FAM135B: variants seen among roughly 807,000 people sequenced by gnomAD.
The protein encoded by FAM135B is protein FAM135B.
In FAM135B, 43 loss-of-function variants were observed where a neutral mutation model predicts 127.7. The observed-to-expected ratio is 0.34, with a 90% CI of 0.26 to 0.43. The LOEUF (loss-of-function observed/expected upper bound fraction) is 0.43. Ranked by LOEUF, FAM135B falls within the 20% of genes least tolerant of loss-of-function variation. The pLI is 1.00. For synonymous variants in FAM135B, 670 were observed against 665.1 expected (o/e 1.01, Z -0.11); for missense variants, 1,558 against 1,725.6 (o/e 0.90, Z 1.72).
intron 2 of FAM135B, among the ~76,000 whole-genome samples, chr8:138,353,929 T>C (rs1829930371): frequency 6.6e-6 from 1 of 152,090 alleles, no homozygotes; most frequent in Non-Finnish European, 1.5e-5. Context: ...TCAACTCCTC[T>C]TGCTGCTTGA....
At chr8:138,221,246 AAGG>A (rs1260555069) in intron 7 of FAM135B, among the ~76,000 whole-genome samples, 2 of 152,136 alleles carry the variant, frequency 1.3e-5, no homozygotes, top group South Asian at 2.1e-4. Context: ...ATCATGGAAG[AAGG>A]AGAAGGAGAA....
intron 7 of FAM135B, among the ~76,000 whole-genome samples, chr8:138,223,033 T>C (rs938848335): frequency 3.3e-5 from 5 of 152,184 alleles, no homozygotes; most frequent in African/African-American, 1.2e-4. Context: ...ATTCCAAGAT[T>C]AGGTACACAG....
intron 1 of FAM135B, among the ~76,000 whole-genome samples, chr8:138,468,906 A>G (rs1223335100): frequency 1.3e-5 from 2 of 152,090 alleles, no homozygotes; most frequent in African/African-American, 4.8e-5. Context: ...TTAGCCAGGC[A>G]TGGTGGCGCA....
intron 1 of FAM135B, among the ~76,000 whole-genome samples, chr8:138,479,881 A>C (rs1476782316): frequency 6.6e-6 from 1 of 152,180 alleles, no homozygotes; most frequent in Non-Finnish European, 1.5e-5. Context: ...ACAAAAACCA[A>C]ATGATATCCC....
At chr8:138,262,377 G>A (rs62529128) in intron 4 of FAM135B, among the ~76,000 whole-genome samples, 3,730 of 151,932 alleles carry the variant, frequency 0.025, 56 homozygotes, top group Non-Finnish European at 0.038. Context: ...AAAGGCCCAC[G>A]GGAAAAAATG....
In FAM135B at chr8:138,132,453, C is replaced by A; in HGVS notation, c.*140G>T. ...GAATCTCCAAAACAAAAGCACCTCT[C>A]ATGTCAGGTTCCACCCGAGCCTCCG... On this transcript the variant is annotated 3_prime_UTR_variant, in exon 20 of 20. Transcript: ENST00000395297. This position sits in a 1 kb window ranked among gnomAD's most constrained non-coding sequence, Gnocchi z 4.5. The A allele has an allele frequency of 1.4e-6, 1 of 692,592 alleles. No individual in the cohort carries two copies. Among genetic ancestry groups the A allele is most frequent in the Non-Finnish European group, 2.5e-6 (1 of 398,596 alleles). The allele number at this position is 692,592 out of a possible 1,614,324, so 42.9% of individuals were successfully genotyped here.
intron 19 of FAM135B, among the ~76,000 whole-genome samples, chr8:138,134,074 G>T (rs184602064): frequency 5.5e-4 from 83 of 152,280 alleles, no homozygotes; most frequent in Non-Finnish European, 9.0e-4. Context: ...GCAATAATAT[G>T]ATGTGAGGTT....
At chr8:138,442,651 G>A (rs964069921) in intron 1 of FAM135B, among the ~76,000 whole-genome samples, 1 of 152,004 alleles carries the variant, frequency 6.6e-6, no homozygotes, top group Non-Finnish European at 1.5e-5. Context: ...ATTCTGGAGA[G>A]TAGCCAGGAT....
At chr8:138,399,587 G>A (rs1833036484) in intron 1 of FAM135B, among the ~76,000 whole-genome samples, 1 of 152,078 alleles carries the variant, frequency 6.6e-6, no homozygotes, top group South Asian at 2.1e-4. Flanking sequence ...TATAGATGGG[G>A]GTTCTCTGCA....
chr8:138,133,135 C>A (rs1240938370), intron 19 of FAM135B, among the ~76,000 whole-genome samples: 1 of 152,090 alleles, frequency 6.6e-6, no homozygotes, highest in African/African-American at 2.4e-5. Flanking sequence ...AGAGGACCCT[C>A]AGAGTTTCAA....
chr8:138,321,052 C>T (rs1375184569), intron 2 of FAM135B, among the ~76,000 whole-genome samples: 1 of 152,148 alleles, frequency 6.6e-6, no homozygotes, highest in Non-Finnish European at 1.5e-5. Context: ...CACAGACACT[C>T]TGGAGTCTGA....
intron 12 of FAM135B, among the ~76,000 whole-genome samples, chr8:138,160,016 G>A (rs2130846796): frequency 6.6e-6 from 1 of 152,248 alleles, no homozygotes; most frequent in South Asian, 2.1e-4. Context: ...CCTGATTTCT[G>A]GGAAAGAGTG....
At chr8:138,301,420 C>A (rs924885352) in intron 3 of FAM135B, among the ~76,000 whole-genome samples, 1 of 152,188 alleles carries the variant, frequency 6.6e-6, no homozygotes, top group Non-Finnish European at 1.5e-5. Flanking sequence ...CTCTAAACAG[C>A]ATGGTGTTCC....
At chr8:138,147,900 G>A (rs895162896) in intron 14 of FAM135B, among the ~76,000 whole-genome samples, 5 of 152,208 alleles carry the variant, frequency 3.3e-5, no homozygotes, top group East Asian at 1.9e-4. Context: ...GCATGACATC[G>A]AGCTGATGAG....
chr8:138,206,185 G>GCATCCCCTTCACTACCCACAGCTCTCT (rs1212942083), intron 7 of FAM135B, among the ~76,000 whole-genome samples: 2 of 137,664 alleles, frequency 1.5e-5, no homozygotes, highest in Admixed American at 1.5e-4. Flanking sequence ...CAAGGCTCCA[G>GCATCCCCTTCACTACCCACAGCTCTCT]CATCCCCTTC....
intron 4 of FAM135B, among the ~76,000 whole-genome samples, chr8:138,259,191 T>A (rs973661088): frequency 6.6e-6 from 1 of 152,148 alleles, no homozygotes; most frequent in African/African-American, 2.4e-5. Flanking sequence ...CATGGTCACA[T>A]GTGTGTTCTA....
intron 2 of FAM135B, among the ~76,000 whole-genome samples, chr8:138,326,853 C>G (rs1023095616): frequency 2.6e-5 from 4 of 152,048 alleles, no homozygotes; most frequent in African/African-American, 9.7e-5. Context: ...ACACCTGGTA[C>G]AGTGTAGGAG....
intron 12 of FAM135B, among the ~76,000 whole-genome samples, chr8:138,154,012 G>A (rs1818445884): frequency 1.3e-5 from 2 of 152,206 alleles, no homozygotes; most frequent in Non-Finnish European, 1.5e-5. Flanking sequence ...TGACCCCCGA[G>A]TAGCCTAACT....
At chr8:138,389,824 T>C (rs1035294367) in intron 1 of FAM135B, among the ~76,000 whole-genome samples, 10 of 152,306 alleles carry the variant, frequency 6.6e-5, no homozygotes, top group Admixed American at 3.9e-4. Flanking sequence ...GTTATGTGTG[T>C]TTTACCACCA....
Sources: gnomAD v4.1 joint callset for allele counts (sites outside exome capture counted in the v4.1 genomes callset) on GRCh38, gnomAD v4.1.1 for gene constraint, Gnocchi (gnomAD v3.1) non-coding constraint, MANE v1.5 for transcripts, NCBI Gene and HGNC (gene_info 2026-07-23, HGNC 2026-07-21) for gene names.